PID1: variants seen among roughly 807,000 people sequenced by gnomAD.
PID1 encodes PTB-containing, cubilin and LRP1-interacting protein.
A neutral mutation model predicts 19.1 loss-of-function variants in PID1; 10 were observed. That is an observed-to-expected ratio of 0.52 (90% CI 0.32 to 0.89). The LOEUF (loss-of-function observed/expected upper bound fraction) is 0.89. Among genes scored for constraint, PID1 ranks in the 40% least tolerant of loss-of-function variants. The pLI, the probability that PID1 is intolerant of heterozygous loss-of-function variation, is 0.03. For missense variants in PID1, 248 were observed against 285.3 expected (o/e 0.87, Z 0.94); for synonymous variants, 130 against 116.0 (o/e 1.12, Z -0.78).
chr2:229,056,313 C>A (rs1442571845), intron 2 of PID1, among the ~76,000 whole-genome samples: 2 of 152,132 alleles, frequency 1.3e-5, no homozygotes, highest in African/African-American at 4.8e-5. Context: ...TGCCACATAA[C>A]AAGCCACTGA....
At chr2:229,066,195 T>C (rs1024583722) in intron 2 of PID1, among the ~76,000 whole-genome samples, 1 of 152,154 alleles carries the variant, frequency 6.6e-6, no homozygotes, top group East Asian at 1.9e-4. Flanking sequence ...CCAGATTCTA[T>C]CCATTCATTT....
chr2:229,267,470 T>C (rs1327636002), intron 1 of PID1, among the ~76,000 whole-genome samples: 4 of 152,228 alleles, frequency 2.6e-5, no homozygotes, highest in Non-Finnish European at 4.4e-5. Context: ...GATGGTTACA[T>C]GTAAACTTCA....
At chr2:229,204,342 T>C (rs1691560350) in intron 1 of PID1, among the ~76,000 whole-genome samples, 1 of 152,116 alleles carries the variant, frequency 6.6e-6, no homozygotes, top group Non-Finnish European at 1.5e-5. Context: ...ATGATGATAA[T>C]GGTGAAAAAA....
intron 2 of PID1, among the ~76,000 whole-genome samples, chr2:229,083,687 A>G (rs1341874306): frequency 6.6e-6 from 1 of 152,168 alleles, no homozygotes; most frequent in Non-Finnish European, 1.5e-5. Context: ...TCTTGGTTTG[A>G]TGAGAGTGAA....
At chr2:229,241,013 T>C (rs1267985147) in intron 1 of PID1, among the ~76,000 whole-genome samples, 1 of 152,160 alleles carries the variant, frequency 6.6e-6, no homozygotes, top group African/African-American at 2.4e-5. Context: ...AATTTTCTAT[T>C]TTAGATATTT....
At chr2:229,059,938 C>T (rs956329845) in intron 2 of PID1, among the ~76,000 whole-genome samples, 9 of 152,006 alleles carry the variant, frequency 5.9e-5, no homozygotes, top group Non-Finnish European at 1.2e-4. Flanking sequence ...CACTTAGAAT[C>T]AGTTTCTCAG....
chr2:229,114,074 T>C (rs1011222032), intron 2 of PID1, among the ~76,000 whole-genome samples: 2 of 151,948 alleles, frequency 1.3e-5, no homozygotes, highest in Admixed American at 6.6e-5. Context: ...CCTGCTGGCC[T>C]ACCTTGTAAA....
At chr2:229,104,290 G>A (rs1173251743) in intron 2 of PID1, among the ~76,000 whole-genome samples, 1 of 152,138 alleles carries the variant, frequency 6.6e-6, no homozygotes, top group Non-Finnish European at 1.5e-5. Flanking sequence ...GAATTAGCCT[G>A]ACAAAGCCAC....
chr2:229,216,265 C>T (rs116483855), intron 1 of PID1, among the ~76,000 whole-genome samples: 1,666 of 152,292 alleles, frequency 0.011, 23 homozygotes, highest in African/African-American at 0.038. Context: ...CCCGGGGGCA[C>T]GTGCATCTAC....
chr2:229,047,783 C>A (rs1475207891), intron 2 of PID1, among the ~76,000 whole-genome samples: 1 of 152,198 alleles, frequency 6.6e-6, no homozygotes, highest in African/African-American at 2.4e-5. Flanking sequence ...TCTTACCCAA[C>A]TCTCACAACA....
chr2:229,120,255 G>C (rs1695490658), intron 2 of PID1, among the ~76,000 whole-genome samples: 1 of 151,944 alleles, frequency 6.6e-6, no homozygotes, highest in South Asian at 2.1e-4. Context: ...ACTACTAATA[G>C]CCTGCTATTG....
intron 2 of PID1, among the ~76,000 whole-genome samples, chr2:229,129,927 C>T (rs577295698): frequency 6.6e-6 from 1 of 152,218 alleles, no homozygotes; most frequent in South Asian, 2.1e-4. Context: ...GGCAACTTAC[C>T]AGCAACATCG....
intron 2 of PID1, among the ~76,000 whole-genome samples, chr2:229,076,880 G>T (rs1162960787): frequency 1.3e-5 from 2 of 152,168 alleles, no homozygotes; most frequent in African/African-American, 4.8e-5. Flanking sequence ...CTTTATAAAA[G>T]AATGATTTAT....
At position 229,167,074 on chromosome 2, in the gene PID1, G is replaced by A. The variant is rs141505825; in HGVS notation, c.31-11110C>T. Among the ~76,000 whole-genome samples, 25 of 151,190 alleles carry A rather than the reference G, an allele frequency of 1.7e-4. No individual in the cohort carries two copies. The East Asian group carries it at 3.1e-3, about 19-fold the overall frequency. The stretch of plus-strand genomic sequence containing the variant: ...AAAGGGAAAGAAGAAAAGAAGAAAC[G>A]AAAGAAGGGAGGAAAGAAGAAACTC... On this transcript the variant is annotated intron_variant, in intron 1 of 2. Transcript: ENST00000392055.
At chr2:229,268,125 T>C (rs1008632253) in intron 1 of PID1, among the ~76,000 whole-genome samples, 8 of 152,214 alleles carry the variant, frequency 5.3e-5, no homozygotes, top group African/African-American at 1.9e-4. Flanking sequence ...CAGATGAACT[T>C]GCCTCGGTTT....
At chr2:229,227,870 A>C (rs962034323) in intron 1 of PID1, 40 of 426,328 alleles carry the variant, frequency 9.4e-5, no homozygotes, top group African/African-American at 8.1e-4. Context: ...TTTACACTAT[A>C]TTAGGTATTG....
intron 1 of PID1, chr2:229,227,923 A>C (rs1204581399): frequency 2.2e-6 from 1 of 455,202 alleles, no homozygotes; most frequent in Non-Finnish European, 4.4e-6. Flanking sequence ...GAGGGTGTGC[A>C]TCAGTTGTAT....
At chr2:229,146,065 C>T (rs1448718136) in intron 2 of PID1, among the ~76,000 whole-genome samples, 3 of 152,082 alleles carry the variant, frequency 2.0e-5, no homozygotes, top group Non-Finnish European at 4.4e-5. Context: ...AGAATGATGG[C>T]TTCTAGCTTC....
chr2:229,249,589 T>C (rs185930929), intron 1 of PID1, among the ~76,000 whole-genome samples: 2 of 152,198 alleles, frequency 1.3e-5, no homozygotes, highest in Non-Finnish European at 2.9e-5. Context: ...TTTTGGAAGA[T>C]AGAAGTCCAC....
Sources: gnomAD v4.1 joint callset for allele counts (sites outside exome capture counted in the v4.1 genomes callset) on GRCh38, gnomAD v4.1.1 for gene constraint, MANE v1.5 for transcripts, NCBI Gene and HGNC (gene_info 2026-07-23, HGNC 2026-07-21) for gene names.